Variants in LINGO2 observed in about 807,000 individuals in gnomAD.
LINGO2 encodes the protein leucine rich repeat and Ig domain containing 2.
In LINGO2, 14 loss-of-function variants were observed where a neutral mutation model predicts 30.6. The ratio of observed to expected loss-of-function variants is 0.46; its 90% CI spans 0.30 to 0.72. The LOEUF (loss-of-function observed/expected upper bound fraction) is 0.72. Among genes scored for constraint, LINGO2 ranks in the 30% least tolerant of loss-of-function variants. The probability of loss-of-function intolerance (pLI) is 0.07; values close to 1 mark genes in which losing one functional copy is unlikely to be tolerated. For missense variants in LINGO2, 729 were observed against 751.7 expected, an observed-to-expected ratio of 0.97 and a Z score of 0.35; for synonymous variants, 317 against 288.5, an observed-to-expected ratio of 1.10 and a Z score of -1.00.
At chr9:28,642,131 T>G (rs756862248) in intron 1 of LINGO2, among the ~76,000 whole-genome samples, 1 of 152,042 alleles carries the variant, frequency 6.6e-6, no homozygotes, top group Non-Finnish European at 1.5e-5. Context: ...AACATACACT[T>G]TTACTCAGAT....
chr9:27,988,798 G>A (rs1821251024), intron 5 of LINGO2, among the ~76,000 whole-genome samples: 1 of 151,830 alleles, frequency 6.6e-6, no homozygotes, highest in South Asian at 2.1e-4. Flanking sequence ...TGGCACCACT[G>A]TTCATCCAGT....
intron 1 of LINGO2, among the ~76,000 whole-genome samples, chr9:28,622,456 C>T (rs1244229242): frequency 6.6e-6 from 1 of 151,800 alleles, no homozygotes; most frequent in East Asian, 1.9e-4. Flanking sequence ...GTTTGTCTTT[C>T]TGTGTCTGGC....
At chr9:28,193,490 C>T (rs1454810873) in intron 4 of LINGO2, among the ~76,000 whole-genome samples, 7 of 152,010 alleles carry the variant, frequency 4.6e-5, no homozygotes, top group Non-Finnish European at 1.0e-4. Context: ...ATTATCCTAA[C>T]TACATCAAGA....
intron 2 of LINGO2, among the ~76,000 whole-genome samples, chr9:28,388,904 C>T (rs1273164098): frequency 6.6e-6 from 1 of 151,260 alleles, no homozygotes; most frequent in Non-Finnish European, 1.5e-5. Flanking sequence ...CTTTCTCTCT[C>T]TCTCTCTCTT....
chr9:28,457,481 A>G (rs934143204), intron 2 of LINGO2, among the ~76,000 whole-genome samples: 2 of 151,914 alleles, frequency 1.3e-5, no homozygotes, highest in African/African-American at 4.8e-5. Context: ...GTGGACAATC[A>G]TCGCTCACTG....
chr9:28,085,940 A>T (rs1825900875), intron 4 of LINGO2, among the ~76,000 whole-genome samples: 1 of 152,114 alleles, frequency 6.6e-6, no homozygotes, highest in African/African-American at 2.4e-5. Flanking sequence ...ATAAATCATT[A>T]TGTGAAACAA....
chr9:28,540,932 A>T (rs1022681216), intron 1 of LINGO2, among the ~76,000 whole-genome samples: 3 of 152,182 alleles, frequency 2.0e-5, no homozygotes, highest in Admixed American at 6.6e-5. Context: ...TAGTTCAGTT[A>T]AAAACAAAGT....
At chr9:28,092,646 T>C (rs1158861850) in intron 4 of LINGO2, among the ~76,000 whole-genome samples, 1 of 151,798 alleles carries the variant, frequency 6.6e-6, no homozygotes, top group African/African-American at 2.4e-5. Flanking sequence ...TGTATACGTA[T>C]GTAACAAACC....
chr9:28,541,934 A>C (rs1461013476), intron 1 of LINGO2, among the ~76,000 whole-genome samples: 2 of 152,110 alleles, frequency 1.3e-5, no homozygotes, highest in Non-Finnish European at 2.9e-5. Context: ...GGCTGTTTTC[A>C]GAGGAGAGAA....
At chr9:28,423,796 G>C (rs977834445) in intron 2 of LINGO2, among the ~76,000 whole-genome samples, 2 of 152,024 alleles carry the variant, frequency 1.3e-5, no homozygotes, top group East Asian at 3.9e-4. Context: ...GGGTGAATAA[G>C]GTGTATAATA....
At chr9:28,869,650 G>A in the LINGO2 span, among the ~76,000 whole-genome samples, 2 of 151,986 alleles carry the variant, frequency 1.3e-5, no homozygotes, top group African/African-American at 4.8e-5. Context: ...GACACAAGAT[G>A]CATGAGAAAT....
the LINGO2 span, among the ~76,000 whole-genome samples, chr9:28,937,242 A>T: frequency 3.3e-5 from 5 of 151,014 alleles, no homozygotes; most frequent in Admixed American, 1.3e-4. Flanking sequence ...TATCGACTCC[A>T]AGATGAAAGT....
intron 4 of LINGO2, among the ~76,000 whole-genome samples, chr9:28,155,489 G>A (rs567827030): frequency 8.5e-5 from 13 of 152,236 alleles, no homozygotes; most frequent in African/African-American, 2.9e-4. Flanking sequence ...ACACAAAACT[G>A]ATCATGCTAC....
chr9:28,797,349 TATATATATATAGAGAG>T, the LINGO2 span, among the ~76,000 whole-genome samples: 37 of 64,506 alleles, frequency 5.7e-4, no homozygotes, highest in African/African-American at 1.8e-3. Flanking sequence ...TATATATATA[TATATATATATAGAGAG>T]AGAGAGAGAG....
rs1407409137 is a variant in LINGO2, at chr9:28,210,661, T to G, written c.-87+84547A>C. Among the ~76,000 whole-genome samples the G allele has an allele frequency of 3.3e-5, 5 of 151,668 alleles. No individual in the cohort carries two copies. The East Asian group carries it at 9.7e-4, about 29-fold the overall frequency. On this transcript the variant is annotated intron_variant, in intron 4 of 5. Coordinates refer to ENST00000379992, the Ensembl canonical transcript of LINGO2. ...TGCACCTATGTAAATTTGTGTTTTATGTAGACGCAGAGAGAGAAGAGAGAA... is the reference window on the plus strand; with the variant it reads ...TGCACCTATGTAAATTTGTGTTTTAGGTAGACGCAGAGAGAGAAGAGAGAA...
At chr9:28,821,751 C>T in the LINGO2 span, among the ~76,000 whole-genome samples, 3 of 152,164 alleles carry the variant, frequency 2.0e-5, no homozygotes, top group East Asian at 1.9e-4. Flanking sequence ...GATGGGAGGA[C>T]GTTCCCATTC....
intron 4 of LINGO2, among the ~76,000 whole-genome samples, chr9:28,248,865 A>C (rs1238737574): frequency 6.6e-6 from 1 of 152,190 alleles, no homozygotes; most frequent in Non-Finnish European, 1.5e-5. Context: ...CTATAAAGAA[A>C]CTAGAATTAG....
chr9:28,029,683 ATTAGTCAAAACTAATAT>A (rs548781662), intron 4 of LINGO2, among the ~76,000 whole-genome samples: 98 of 152,368 alleles, frequency 6.4e-4, no homozygotes, highest in South Asian at 1.7e-3. Flanking sequence ...AAAACTAATA[ATTAGTCAAAACTAATAT>A]GTGAAAATTG....
intron 2 of LINGO2, among the ~76,000 whole-genome samples, chr9:28,473,684 C>A (rs541855739): frequency 1.3e-5 from 2 of 152,150 alleles, no homozygotes; most frequent in East Asian, 1.9e-4. Flanking sequence ...AATCTTGGAT[C>A]TTTGAGTCAT....
Sources: gnomAD v4.1 joint callset for allele counts (sites outside exome capture counted in the v4.1 genomes callset) on GRCh38, gnomAD v4.1.1 for gene constraint, MANE v1.5 for transcripts, NCBI Gene and HGNC (gene_info 2026-07-23, HGNC 2026-07-21) for gene names.